Variants in SNTG2 observed in about 807,000 individuals in gnomAD.
SNTG2 encodes the protein syntrophin gamma 2, also known as gamma-2-syntrophin.
A neutral mutation model predicts 70.9 loss-of-function variants in SNTG2; 74 were observed. The ratio of observed to expected loss-of-function variants is 1.04; its 90% CI spans 0.86 to 1.27. SNTG2 has a LOEUF of 1.27. SNTG2 is among the 50% of genes most tolerant of loss of function. The pLI is 0.00. For missense variants in SNTG2, 717 were observed against 690.7 expected, an observed-to-expected ratio of 1.04 and a Z score of -0.43; for synonymous variants, 278 against 273.8, an observed-to-expected ratio of 1.02 and a Z score of -0.15.
intron 11 of SNTG2, among the ~76,000 whole-genome samples, chr2:1,245,212 G>A (rs1374820075): frequency 6.6e-6 from 1 of 150,816 alleles, no homozygotes; most frequent in Non-Finnish European, 1.5e-5. Context: ...CATGGCACAT[G>A]TATACATATG....
chr2:1,084,535 C>T (rs1664555657), intron 2 of SNTG2, among the ~76,000 whole-genome samples: 1 of 152,136 alleles, frequency 6.6e-6, no homozygotes, highest in Admixed American at 6.5e-5. Flanking sequence ...GGCAGGGTCC[C>T]CCTTTCAGTT....
chr2:1,052,664 C>A (rs1662142091), intron 1 of SNTG2, among the ~76,000 whole-genome samples: 1 of 152,188 alleles, frequency 6.6e-6, no homozygotes, highest in South Asian at 2.1e-4. Flanking sequence ...CCACATGGTA[C>A]CTTAGGATCA....
chr2:1,008,353 A>G lies in SNTG2; in HGVS notation c.72+57285A>G, dbSNP rs551265284. ...TCACATGAGCAAACTAGTATTACTT[A>G]TCTCCATTCTTGACTATTTTTAGTG... On this transcript the variant is annotated intron_variant, in intron 1 of 16. Coordinates refer to ENST00000308624, the MANE Select transcript of SNTG2 (RefSeq NM_018968.4). 2.2e-4 allele frequency among the ~76,000 whole-genome samples: 33 copies of G among 152,274 alleles called. No individual in the cohort carries two copies. In the South Asian group the frequency reaches 4.1e-3, roughly 19 times the overall value.
chr2:1,214,173 C>A (rs1674224790), intron 9 of SNTG2, among the ~76,000 whole-genome samples: 1 of 152,158 alleles, frequency 6.6e-6, no homozygotes, highest in South Asian at 2.1e-4. Context: ...GTTTTGAAAT[C>A]AGGTAGTGTG....
chr2:1,061,616 C>T (rs1019473591), intron 1 of SNTG2, among the ~76,000 whole-genome samples: 1 of 152,188 alleles, frequency 6.6e-6, no homozygotes, highest in African/African-American at 2.4e-5. Context: ...CATGGGATAG[C>T]AGGCTCAAGA....
At chr2:1,358,000 T>C (rs1435640667) in intron 16 of SNTG2, among the ~76,000 whole-genome samples, 2 of 152,146 alleles carry the variant, frequency 1.3e-5, no homozygotes, top group African/African-American at 4.8e-5. Context: ...AAATCAAAGA[T>C]CAAGGTGCTG....
At chr2:1,022,581 G>T (rs539523039) in intron 1 of SNTG2, among the ~76,000 whole-genome samples, 4 of 152,014 alleles carry the variant, frequency 2.6e-5, no homozygotes, top group Non-Finnish European at 5.9e-5. Flanking sequence ...CTGTGATTCC[G>T]AGTTTCTGAT....
intron 8 of SNTG2, among the ~76,000 whole-genome samples, chr2:1,189,904 G>A (rs1176924549): frequency 6.6e-6 from 1 of 151,804 alleles, no homozygotes; most frequent in Admixed American, 6.6e-5. Context: ...GAGAACACTT[G>A]GAAAAATAAG....
intron 12 of SNTG2, among the ~76,000 whole-genome samples, chr2:1,250,485 TC>T (rs1201568336): frequency 6.6e-6 from 1 of 151,956 alleles, no homozygotes; most frequent in Non-Finnish European, 1.5e-5. Context: ...CTGTGTCTCT[TC>T]CTCTGTCTGA....
intron 4 of SNTG2, among the ~76,000 whole-genome samples, chr2:1,131,642 C>CA (rs1553335242): frequency 1.3e-5 from 2 of 150,670 alleles, no homozygotes; most frequent in East Asian, 3.9e-4. Flanking sequence ...AATCCTTTTT[C>CA]TTTTTTTTTC....
intron 16 of SNTG2, among the ~76,000 whole-genome samples, chr2:1,320,400 C>T (rs541664738): frequency 2.0e-5 from 3 of 151,664 alleles, no homozygotes; most frequent in Admixed American, 1.3e-4. Flanking sequence ...GGCCTGGTTG[C>T]GGGCACCTGT....
At chr2:1,247,543 AGT>A in intron 12 of SNTG2, 100 bp downstream of exon 12, 3 of 817,146 alleles carry the variant, frequency 3.7e-6, no homozygotes, top group Non-Finnish European at 6.2e-6. Context: ...GGACAGACAG[AGT>A]GCTTGGTCCT....
intron 1 of SNTG2, among the ~76,000 whole-genome samples, chr2:1,062,260 C>T (rs1662873295): frequency 6.6e-6 from 1 of 152,172 alleles, no homozygotes; most frequent in Non-Finnish European, 1.5e-5. Flanking sequence ...AGCCCACTCT[C>T]AGCCGTGCAC....
At chr2:1,050,086 C>T (rs1661971482) in intron 1 of SNTG2, among the ~76,000 whole-genome samples, 3 of 152,056 alleles carry the variant, frequency 2.0e-5, no homozygotes, top group African/African-American at 7.2e-5. Flanking sequence ...GAGTTCTTTA[C>T]ATGTTATATG....
intron 6 of SNTG2, among the ~76,000 whole-genome samples, chr2:1,155,992 C>A (rs539755676): frequency 6.6e-6 from 1 of 151,678 alleles, no homozygotes; most frequent in Non-Finnish European, 1.5e-5. Flanking sequence ...CCAGGCCAGG[C>A]CAGGCCAGGA....
chr2:1,366,517 C>T (rs77800831), intron 16 of SNTG2, among the ~76,000 whole-genome samples: 5 of 151,986 alleles, frequency 3.3e-5, no homozygotes, highest in African/African-American at 4.8e-5. Flanking sequence ...CTGTAACATG[C>T]GGAGGTAAGG....
chr2:1,264,635 G>A (rs1427626365), intron 13 of SNTG2, among the ~76,000 whole-genome samples: 4 of 152,162 alleles, frequency 2.6e-5, no homozygotes, highest in African/African-American at 9.7e-5. Flanking sequence ...GTAAACTTAT[G>A]GTGTCAATAA....
At chr2:1,351,997 T>G (rs1660605449) in intron 16 of SNTG2, among the ~76,000 whole-genome samples, 1 of 152,124 alleles carries the variant, frequency 6.6e-6, no homozygotes, top group South Asian at 2.1e-4. Flanking sequence ...TGGTTCGGTG[T>G]CTTCCAGCCG....
At chr2:1,105,970 C>T (rs1381141140) in intron 4 of SNTG2, among the ~76,000 whole-genome samples, 18 of 152,306 alleles carry the variant, frequency 1.2e-4, no homozygotes, top group Middle Eastern at 6.8e-3. Context: ...TAATAGTGGG[C>T]GCACACTGTC....
Sources: gnomAD v4.1 joint callset for allele counts (sites outside exome capture counted in the v4.1 genomes callset) on GRCh38, gnomAD v4.1.1 for gene constraint, MANE v1.5 for transcripts, NCBI Gene and HGNC (gene_info 2026-07-23, HGNC 2026-07-21) for gene names.